The following CDC42BPA variants were observed in gnomAD, a reference collection of about 807,000 sequenced individuals.
CDC42BPA encodes the protein CDC42 binding protein kinase alpha, also known as serine/threonine-protein kinase MRCK alpha.
A neutral mutation model predicts 223.5 loss-of-function variants in CDC42BPA; 80 were observed. The observed-to-expected ratio is 0.36, with a 90% CI of 0.30 to 0.43. CDC42BPA has a LOEUF of 0.43. Among genes scored for constraint, CDC42BPA ranks in the 20% least tolerant of loss-of-function variants. The pLI is 1.00. For missense variants in CDC42BPA, 1,743 were observed against 2,099.9 expected (o/e 0.83, Z 3.32); for synonymous variants, 694 against 718.6 (o/e 0.97, Z 0.55).
At chr1:227,179,271 T>C (rs991109134) in intron 5 of CDC42BPA, among the ~76,000 whole-genome samples, 2 of 152,082 alleles carry the variant, frequency 1.3e-5, no homozygotes, top group Non-Finnish European at 2.9e-5. Context: ...TGGTTGCAAA[T>C]ATCTGTGAAT....
intron 1 of CDC42BPA, among the ~76,000 whole-genome samples, chr1:227,255,826 T>C (rs942772291): frequency 4.3e-4 from 65 of 152,258 alleles, no homozygotes; most frequent in African/African-American, 1.5e-3. Context: ...TGAAAAGACA[T>C]CCAGTATTCT....
chr1:227,204,527 G>A (rs1253613421), intron 3 of CDC42BPA, among the ~76,000 whole-genome samples: 1 of 152,086 alleles, frequency 6.6e-6, no homozygotes, highest in African/African-American at 2.4e-5. Context: ...TTAGGGAGTG[G>A]ATAAGTTCTA....
chr1:227,139,509 A>G, intron 10 of CDC42BPA, 67 bp downstream of exon 10: 1 of 1,070,262 alleles, frequency 9.3e-7, no homozygotes, highest in Non-Finnish European at 1.3e-6. Flanking sequence ...ACAACCACTT[A>G]TAATAAACAG....
At chr1:227,110,104 G>A (rs1686670551) in intron 14 of CDC42BPA, among the ~76,000 whole-genome samples, 2 of 152,074 alleles carry the variant, frequency 1.3e-5, no homozygotes, top group Admixed American at 1.3e-4. Flanking sequence ...TATCTGTTAG[G>A]TCTAGTTGGT....
At chr1:227,304,120 C>T (rs1289857584) in intron 1 of CDC42BPA, among the ~76,000 whole-genome samples, 1 of 152,114 alleles carries the variant, frequency 6.6e-6, no homozygotes, top group Non-Finnish European at 1.5e-5. Flanking sequence ...CACTTTTGAC[C>T]ACATGTGGTG....
intron 2 of CDC42BPA, among the ~76,000 whole-genome samples, chr1:227,225,753 G>A (rs1676751168): frequency 1.3e-5 from 2 of 151,722 alleles, no homozygotes; most frequent in South Asian, 4.2e-4. Flanking sequence ...GAAGCAATTG[G>A]TCATGACAAA....
At chr1:227,011,003 A>G (rs745628209) in intron 34 of CDC42BPA, 8 of 1,361,264 alleles carry the variant, frequency 5.9e-6, no homozygotes, top group East Asian at 9.1e-5. Flanking sequence ...ATGTGTTCAA[A>G]GTTGATCGGA....
intron 23 of CDC42BPA, 67 bp from the exon 24 acceptor site, chr1:227,040,303 G>GC: frequency 2.3e-6 from 2 of 871,308 alleles, no homozygotes; most frequent in Non-Finnish European, 3.8e-6. Flanking sequence ...GAGTCCTTAT[G>GC]CCCCATACCA....
chr1:227,257,798 T>G (rs1298055561), intron 1 of CDC42BPA, among the ~76,000 whole-genome samples: 2 of 150,460 alleles, frequency 1.3e-5, no homozygotes, highest in Non-Finnish European at 2.9e-5. Flanking sequence ...CACGCAAGTT[T>G]GACAAGGTGG....
At chr1:227,170,574 G>A (rs1359829291) in intron 5 of CDC42BPA, among the ~76,000 whole-genome samples, 10 of 152,166 alleles carry the variant, frequency 6.6e-5, no homozygotes, top group Admixed American at 5.2e-4. Context: ...TGCCCCAGAT[G>A]TCAACAGATA....
chr1:227,268,708 CAG>C (rs1685485140), intron 1 of CDC42BPA, among the ~76,000 whole-genome samples: 1 of 139,676 alleles, frequency 7.2e-6, no homozygotes, highest in African/African-American at 2.9e-5. Context: ...TTTTTAAAGA[CAG>C]GGTCTTGCTC....
At chr1:227,226,018 C>G (rs1184232076) in intron 2 of CDC42BPA, among the ~76,000 whole-genome samples, 3 of 152,222 alleles carry the variant, frequency 2.0e-5, no homozygotes, top group Admixed American at 6.5e-5. Context: ...GCTCCACCCT[C>G]TCTCTTGATT....
rs1179699610 is a variant in CDC42BPA, at chr1:227,100,997, T to C, written c.2244A>G (p.Arg748=). 1.3e-6 allele frequency: 2 copies of C among 1,487,922 alleles called. No homozygotes were observed. The highest frequency in any genetic ancestry group is 9.3e-7 in the Non-Finnish European group (1 of 1,074,104). The allele number at this position is 1,487,922 out of a possible 1,614,324, so 92.2% of individuals were successfully genotyped here. Residue 748 remains arginine (R), a synonymous_variant, in exon 15 of 37, where the codon AGA becomes AGG. Transcript: ENST00000366766. The part of the protein sequence containing the change: ...ILKDKLEKTR[R]ESQSEREEFE... The stretch of plus-strand genomic sequence containing the variant: ...GTAAATAATGTGATTCTTACCTTTC[T>C]CTTCTGGTTTTTTCCAATTTGTCTT...
chr1:227,019,538 A>C (rs1361535746), intron 32 of CDC42BPA, among the ~76,000 whole-genome samples: 1 of 152,130 alleles, frequency 6.6e-6, no homozygotes, highest in Non-Finnish European at 1.5e-5. Flanking sequence ...TTTTCAATCT[A>C]TTTTGCCCAG....
rs778204957 is a variant in CDC42BPA at position 227,119,879 on chromosome 1, A to G, written c.1572T>C (p.Asp524=). ...EEANAVRQEL[D]DAFRQIKAYE... is the part of the protein sequence containing the mutation. The stretch of plus-strand genomic sequence containing the variant: ...AAGCCTTGATTTGTCTAAAAGCATC[A>G]TCTAGTTCTTGCCTCACAGCATTAG... The change falls in exon 12 of 37, where the codon GAT becomes GAC. Residue 524 remains aspartate, a synonymous_variant. Transcript: ENST00000366766. The G allele has an allele frequency of 2.5e-6, 4 of 1,604,482 alleles. No individual in the cohort carries two copies. In the South Asian group the frequency reaches 4.5e-5, roughly 18 times the overall value.
intron 3 of CDC42BPA, among the ~76,000 whole-genome samples, chr1:227,201,356 C>T (rs978385713): frequency 6.6e-6 from 1 of 152,022 alleles, no homozygotes; most frequent in African/African-American, 2.4e-5. Context: ...CTATCTTGCT[C>T]AGGTTGGTCT....
intron 5 of CDC42BPA, among the ~76,000 whole-genome samples, chr1:227,162,057 T>G (rs985499921): frequency 1.3e-5 from 2 of 152,202 alleles, no homozygotes; most frequent in Admixed American, 1.3e-4. Flanking sequence ...TTTTATTCTT[T>G]ATCTTAAAAA....
chr1:227,232,918 G>A (rs1220247242), intron 2 of CDC42BPA, among the ~76,000 whole-genome samples: 5 of 152,206 alleles, frequency 3.3e-5, no homozygotes, highest in African/African-American at 7.2e-5. Context: ...CTTGCTGGGA[G>A]AAGCACTACT....
chr1:227,185,714 A>G (rs561220126), intron 5 of CDC42BPA, among the ~76,000 whole-genome samples: 1 of 147,348 alleles, frequency 6.8e-6, no homozygotes, highest in African/African-American at 2.5e-5. Context: ...TGCCTATTAA[A>G]CTCCCTGCTC....
Sources: allele counts gnomAD v4.1 joint callset (sites outside exome capture counted in the v4.1 genomes callset), GRCh38; gene constraint gnomAD v4.1.1; transcripts MANE v1.5; gene names NCBI Gene and HGNC (gene_info 2026-07-23, HGNC 2026-07-21).